The following RHOBTB1 variants were observed in gnomAD, a reference collection of about 807,000 sequenced individuals.
RHOBTB1 encodes Rho related BTB domain containing 1, also known as rho-related BTB domain-containing protein 1.
Under a neutral mutation model 71.6 loss-of-function variants are expected in RHOBTB1, and 40 were observed. That is an observed-to-expected ratio of 0.56 (90% CI 0.43 to 0.73). The LOEUF (loss-of-function observed/expected upper bound fraction) is 0.73, where lower values mean the gene tolerates loss of function less well. Ranked by LOEUF, RHOBTB1 falls within the 30% of genes least tolerant of loss-of-function variation. RHOBTB1 has a pLI of 0.00. For missense variants in RHOBTB1, 797 were observed against 894.0 expected (o/e 0.89, Z 1.38); for synonymous variants, 319 against 334.9 (o/e 0.95, Z 0.52).
upstream of RHOBTB1, among the ~76,000 whole-genome samples, chr10:60,948,197 A>T (rs964526127): frequency 1.3e-5 from 2 of 152,172 alleles, no homozygotes; most frequent in African/African-American, 4.8e-5. Flanking sequence ...TTAAGAGTTT[A>T]AAAAAATACA....
chr10:60,982,082 TTTTA>T (rs2086515187), intron 2 of RHOBTB1, among the ~76,000 whole-genome samples: 1 of 152,286 alleles, frequency 6.6e-6, no homozygotes, highest in East Asian at 1.9e-4. Flanking sequence ...GTAAGTTACT[TTTTA>T]TTTGTCTTTT....
At chr10:60,943,510 C>T (rs1347606121) in intron 1 of RHOBTB1, among the ~76,000 whole-genome samples, 1 of 152,062 alleles carries the variant, frequency 6.6e-6, no homozygotes, top group Non-Finnish European at 1.5e-5. Flanking sequence ...GGGAGGGGAG[C>T]GACTGTGGGC....
At chr10:60,932,203 C>T (rs2084295832) in intron 2 of RHOBTB1, among the ~76,000 whole-genome samples, 1 of 152,168 alleles carries the variant, frequency 6.6e-6, no homozygotes, top group African/African-American at 2.4e-5. Flanking sequence ...AGGCAGACGT[C>T]TACACATTTT....
chr10:60,984,990 T>C (rs1454779029), intron 2 of RHOBTB1, among the ~76,000 whole-genome samples: 3 of 152,228 alleles, frequency 2.0e-5, no homozygotes, highest in Non-Finnish European at 4.4e-5. Flanking sequence ...TTTGTTGAAG[T>C]TACTATATGT....
chr10:60,894,490 T>G (rs367946020), intron 4 of RHOBTB1, among the ~76,000 whole-genome samples: 1 of 152,240 alleles, frequency 6.6e-6, no homozygotes, highest in East Asian at 1.9e-4. Context: ...TTTGGGATTC[T>G]GATTTACTTA....
At chr10:60,983,177 A>C (rs1489160258) in intron 2 of RHOBTB1, among the ~76,000 whole-genome samples, 1 of 152,194 alleles carries the variant, frequency 6.6e-6, no homozygotes, top group Non-Finnish European at 1.5e-5. Flanking sequence ...TTCAGTATTA[A>C]AAATTTATAC....
At chr10:60,924,167 T>C (rs2083727460) in intron 2 of RHOBTB1, among the ~76,000 whole-genome samples, 1 of 152,022 alleles carries the variant, frequency 6.6e-6, no homozygotes, top group African/African-American at 2.4e-5. Flanking sequence ...AAGAATCCCA[T>C]TGTATCTTAT....
chr10:60,967,999 A>G (rs2086028867), intron 2 of RHOBTB1, among the ~76,000 whole-genome samples: 1 of 152,038 alleles, frequency 6.6e-6, no homozygotes, highest in Admixed American at 6.6e-5. Flanking sequence ...GGAGGGAAAG[A>G]AGGGAGCAGA....
the RHOBTB1 span, among the ~76,000 whole-genome samples, chr10:60,862,799 T>C: frequency 2.0e-5 from 3 of 150,770 alleles, no homozygotes; most frequent in Non-Finnish European, 3.0e-5. Context: ...TTCCTTTCTT[T>C]CTTTTCCTTT....
At chr10:60,982,656 C>T (rs1328266232) in intron 2 of RHOBTB1, among the ~76,000 whole-genome samples, 1 of 152,186 alleles carries the variant, frequency 6.6e-6, no homozygotes, top group Non-Finnish European at 1.5e-5. Context: ...GGCAAAATTT[C>T]CTCCTATTGG....
At chr10:60,885,165 A>G in intron 7 of RHOBTB1, among the ~76,000 whole-genome samples, 1 of 152,182 alleles carries the variant, frequency 6.6e-6, no homozygotes, top group East Asian at 1.9e-4. Flanking sequence ...AATAGCTAAA[A>G]GACGATTTTA....
At position 60,986,290 on chromosome 10, in the gene RHOBTB1, T is replaced by C. The variant is rs1484637428; in HGVS notation, c.-162-345A>G. ...GGACTGTTTTGACAGTCAAATGAGATAATGTTTGGAAAGGAATTTAGTTAA... is the reference window on the plus strand; with the variant it reads ...GGACTGTTTTGACAGTCAAATGAGACAATGTTTGGAAAGGAATTTAGTTAA... On this transcript the variant is annotated intron_variant, in intron 1 of 11. Coordinates refer to the RHOBTB1 transcript ENST00000357917. Among the ~76,000 whole-genome samples the C allele has an allele frequency of 3.3e-5, 5 of 151,812 alleles. No individual in the cohort carries two copies. In the East Asian group the frequency reaches 9.6e-4, roughly 29 times the overall value.
upstream of RHOBTB1, among the ~76,000 whole-genome samples, chr10:60,946,818 A>G (rs557225823): frequency 2.2e-4 from 34 of 152,188 alleles, no homozygotes; most frequent in Non-Finnish European, 4.3e-4. Flanking sequence ...CAGGCTTCCA[A>G]AAGATGCTCC....
At chr10:60,891,060 AGTCT>A (rs2081891165) in intron 5 of RHOBTB1, among the ~76,000 whole-genome samples, 1 of 152,224 alleles carries the variant, frequency 6.6e-6, no homozygotes, top group Non-Finnish European at 1.5e-5. Context: ...AGGCCAGGAC[AGTCT>A]CTCATTTACT....
intron 9 of RHOBTB1, among the ~76,000 whole-genome samples, chr10:60,873,638 C>T (rs1026307506): frequency 6.6e-6 from 1 of 152,220 alleles, no homozygotes; most frequent in African/African-American, 2.4e-5. Flanking sequence ...AGGAGGAATA[C>T]TTGCTGGAGA....
At chr10:60,946,719 G>T (rs2085250330), upstream of RHOBTB1, among the ~76,000 whole-genome samples, 1 of 152,022 alleles carries the variant, frequency 6.6e-6, no homozygotes. Context: ...TAATAGGCAG[G>T]TGCCTATACC....
At chr10:60,883,377 C>A (rs1038027474) in intron 7 of RHOBTB1, among the ~76,000 whole-genome samples, 6 of 152,216 alleles carry the variant, frequency 3.9e-5, no homozygotes, top group African/African-American at 1.4e-4. Flanking sequence ...TTGGTCACCT[C>A]TACTGCACAT....
At position 60,911,340 on chromosome 10, in the gene RHOBTB1, G is replaced by A. The variant is rs1241500545; in HGVS notation, c.192+11C>T. ...GCCCTAGGGATGCTGAAGACACTCT[G>A]TGCATCTTACCTCCTGGCACACGCG... is the stretch of plus-strand genomic sequence containing the variant. On this transcript the variant is annotated intron_variant, in intron 3 of 10. Transcript: ENST00000337910. The A allele has an allele frequency of 1.9e-5, 30 of 1,601,816 alleles. No homozygotes were observed. The highest frequency in any genetic ancestry group is 2.5e-5 in the Non-Finnish European group (29 of 1,169,950).
chr10:60,963,838 C>A (rs1285109949), intron 2 of RHOBTB1, among the ~76,000 whole-genome samples: 1 of 152,150 alleles, frequency 6.6e-6, no homozygotes, highest in African/African-American at 2.4e-5. Flanking sequence ...CCAACGATAG[C>A]ATCTAATAAT....
Sources: gnomAD v4.1 joint callset for allele counts (sites outside exome capture counted in the v4.1 genomes callset) on GRCh38, gnomAD v4.1.1 for gene constraint, MANE v1.5 for transcripts, NCBI Gene and HGNC (gene_info 2026-07-23, HGNC 2026-07-21) for gene names.